Variants in HEXA observed in about 807,000 individuals in gnomAD.
HEXA encodes the protein hexosaminidase subunit alpha, also known as beta-hexosaminidase subunit alpha.
A neutral mutation model predicts 73.3 loss-of-function variants in HEXA; 54 were observed. The ratio of observed to expected loss-of-function variants is 0.74; its 90% CI spans 0.59 to 0.92. The LOEUF (loss-of-function observed/expected upper bound fraction) is 0.92. HEXA is among the 40% of genes least tolerant of loss of function. The pLI, the probability that HEXA is intolerant of heterozygous loss-of-function variation, is 0.00. For synonymous variants in HEXA, 230 were observed against 246.9 expected (o/e 0.93, Z 0.64); for missense variants, 649 against 653.0 (o/e 0.99, Z 0.07).
chr15:72,363,974 A>C (rs1352974377), intron 1 of HEXA, among the ~76,000 whole-genome samples: 1 of 152,180 alleles, frequency 6.6e-6, no homozygotes, highest in Non-Finnish European at 1.5e-5. Context: ...AAATGGGCCC[A>C]GGCTAGGTGG....
rs2088581225 is a variant in HEXA, at chr15:72,344,133, C to T, written c.1534G>A (p.Val512Ile). ...CCTACATTGAGGGGTTGGGCCTGGACACCTCGCCTGCAAGAGGACATGAAG... is the reference window on the plus strand; with the variant it reads ...CCTACATTGAGGGGTTGGGCCTGGATACCTCGCCTGCAAGAGGACATGAAG... ...HFRCELLRRG[V>I]QAQPLNVGFC... The change falls in exon 14 of 14, where the codon GTC becomes ATC. Residue 512 changes from valine (V) to isoleucine (I), a missense_variant. Transcript: ENST00000268097. 1 of 1,613,810 alleles carries T rather than the reference C, an allele frequency of 6.2e-7. No individual in the cohort carries two copies. Among genetic ancestry groups the T allele is most frequent in the South Asian group, 1.1e-5 (1 of 91,084 alleles).
At position 72,342,529 on chromosome 15, in the gene HEXA, G is replaced by C. The variant is rs569107992; in HGVS notation, c.*1548C>G. The C allele has an allele frequency of 6.6e-6, 1 of 152,256 alleles. No individual in the cohort carries two copies. Among genetic ancestry groups the C allele is most frequent in the South Asian group, 2.1e-4 (1 of 4,830 alleles). 9.4% of individuals were successfully genotyped at this position (152,256 alleles called of 1,614,324 possible). A position where few individuals can be genotyped will look rare whatever the true frequency, so the allele number is the denominator to read the frequency against. ...GGAAATCCTCACCTAAAATGGCTGCGATGCATTACTGCCCCCGCCTCTGGC... is the reference window on the plus strand; with the variant it reads ...GGAAATCCTCACCTAAAATGGCTGCCATGCATTACTGCCCCCGCCTCTGGC... On this transcript the variant is annotated 3_prime_UTR_variant, in exon 14 of 14. Coordinates refer to ENST00000268097, the MANE Select transcript of HEXA (RefSeq NM_000520.6).
At chr15:72,346,463 T>C in intron 11 of HEXA, 64 bp downstream of exon 11, 2 of 1,560,784 alleles carry the variant, frequency 1.3e-6, no homozygotes, top group Non-Finnish European at 1.8e-6. Context: ...CAGACCTTCC[T>C]GCCTCCCATC....
chr15:72,362,355 T>G (rs2088862321), intron 1 of HEXA: 7 of 432,948 alleles, frequency 1.6e-5, no homozygotes, highest in Middle Eastern at 3.3e-4. Flanking sequence ...AGATATGCTG[T>G]TTATTTGTCT....
chr15:72,361,574 C>T (rs1002015164), intron 1 of HEXA, among the ~76,000 whole-genome samples: 1 of 152,132 alleles, frequency 6.6e-6, no homozygotes, highest in African/African-American at 2.4e-5. Context: ...TAATCTAACT[C>T]TTCATTCCTC....
At chr15:72,372,730 G>T (rs1200429952) in intron 1 of HEXA, among the ~76,000 whole-genome samples, 1 of 152,206 alleles carries the variant, frequency 6.6e-6, no homozygotes, top group Non-Finnish European at 1.5e-5. Flanking sequence ...CCTTGAAGGT[G>T]AATTCAAAAT....
chr15:72,375,552 T>C (rs986365775), intron 1 of HEXA, among the ~76,000 whole-genome samples, 168 bp downstream of exon 1: 2 of 152,196 alleles, frequency 1.3e-5, no homozygotes, highest in Admixed American at 6.5e-5. Context: ...CGTAGTCCTA[T>C]AGTAGTTATC....
In HEXA at chr15:72,346,501, T is replaced by C. The variant is rs569827588; in HGVS notation, c.1330+26A>G. 8.7e-6 allele frequency: 14 copies of C among 1,607,630 alleles called. No homozygotes were observed. In the East Asian group the frequency reaches 2.7e-4, roughly 31 times the overall value. On this transcript the variant is annotated intron_variant, in intron 11 of 13. Coordinates refer to ENST00000268097, the MANE Select transcript of HEXA (RefSeq NM_000520.6). Reference sequence around the variant, plus strand: ...GTGCCCCAACCCAGCCTCCTTTGGTTAGCAAGGAGAGCTCTCTGCTTTCAC... The same window carrying C: ...GTGCCCCAACCCAGCCTCCTTTGGTCAGCAAGGAGAGCTCTCTGCTTTCAC...
Position 72,345,474 on chromosome 15 carries a change from A to T in HEXA, c.1498T>A (p.Leu500Met). The change falls in exon 13 of 14, where the codon TTG becomes ATG. Residue 500 changes from leucine (L) to methionine (M), a missense_variant. Transcript: ENST00000268097. Reference protein sequence around the residue: ...TSDLTFAYERLSHFRCELLRR... With the variant: ...TSDLTFAYERMSHFRCELLRR... The stretch of plus-strand genomic sequence containing the variant: ...AGCAATTCACAGCGGAAGTGTGACA[A>T]ACGTTCATAGGCAAATGTCAGGTCA... 2 of 1,614,218 alleles carry T rather than the reference A, an allele frequency of 1.2e-6. No homozygotes were observed. The highest frequency in any genetic ancestry group is 1.7e-6 in the Non-Finnish European group (2 of 1,180,024).
At chr15:72,355,463 T>G (rs976740258) in intron 3 of HEXA, 96 bp downstream of exon 3, 1 of 853,302 alleles carries the variant, frequency 1.2e-6, no homozygotes, top group Non-Finnish European at 2.0e-6. Flanking sequence ...GAGGCAGAGG[T>G]TGCAGTGAGC....
chr15:72,350,733 C>T, intron 6 of HEXA, 83 bp from the exon 7 acceptor site: 1 of 1,537,288 alleles, frequency 6.5e-7, no homozygotes, highest in South Asian at 1.1e-5. Context: ...CACAAGACTC[C>T]CCAGATATCA....
At chr15:72,363,829 C>A (rs1359060746) in intron 1 of HEXA, among the ~76,000 whole-genome samples, 2 of 152,126 alleles carry the variant, frequency 1.3e-5, no homozygotes, top group Non-Finnish European at 2.9e-5. Context: ...TGATCTGTCC[C>A]TCCCAACCCT....
chr15:72,347,660 T>C (rs1225890743), intron 10 of HEXA, 26 bp downstream of exon 10: 5 of 1,601,894 alleles, frequency 3.1e-6, no homozygotes, highest in Non-Finnish European at 2.6e-6. Flanking sequence ...TGCTGGTGGC[T>C]TCTTCTCTTC....
At chr15:72,350,471 C>G (rs755589817) in intron 7 of HEXA, 47 bp downstream of exon 7, 2 of 1,607,096 alleles carry the variant, frequency 1.2e-6, no homozygotes, top group Non-Finnish European at 8.5e-7. Flanking sequence ...AAGCTTCACT[C>G]TGAGCATAAC....
intron 12 of HEXA, chr15:72,345,792 A>G (rs769546104): frequency 5.1e-6 from 3 of 584,092 alleles, no homozygotes; most frequent in African/African-American, 1.9e-5. Context: ...AGATATGGGA[A>G]TAAGAATAAA....
At chr15:72,354,456 A>G (rs1267908693) in intron 3 of HEXA, 1 of 152,350 alleles carries the variant, frequency 6.6e-6, no homozygotes, top group Non-Finnish European at 1.5e-5. Flanking sequence ...CAGAAGCCCC[A>G]TGAAAATTAT....
Position 72,348,034 on chromosome 15 carries a change from C to T in HEXA, c.1073+14G>A. 1 of 1,581,800 alleles carries T rather than the reference C, an allele frequency of 6.3e-7. No homozygotes were observed. On this transcript the variant is annotated intron_variant, in intron 9 of 13. Coordinates refer to ENST00000268097, the MANE Select transcript of HEXA (RefSeq NM_000520.6). ...ACCCCCAAGGGACCCCACCCACCCTCCTTCCTTCCTCACGTCTGGATGTAG... is the reference window on the plus strand; with the variant it reads ...ACCCCCAAGGGACCCCACCCACCCTTCTTCCTTCCTCACGTCTGGATGTAG...
At chr15:72,350,873 A>G in intron 6 of HEXA, 2 of 626,120 alleles carry the variant, frequency 3.2e-6, no homozygotes, top group Non-Finnish European at 5.7e-6. Context: ...GTAGGTATTA[A>G]TACTATGTCC....
intron 1 of HEXA, among the ~76,000 whole-genome samples, chr15:72,374,050 C>T (rs2089026192): frequency 1.3e-5 from 2 of 150,218 alleles, no homozygotes; most frequent in Admixed American, 1.3e-4. Flanking sequence ...CTCATGTATA[C>T]AATAGTAGGA....
Sources: allele counts gnomAD v4.1 joint callset (sites outside exome capture counted in the v4.1 genomes callset), GRCh38; gene constraint gnomAD v4.1.1; transcripts MANE v1.5; gene names NCBI Gene and HGNC (gene_info 2026-07-23, HGNC 2026-07-21).